The following SMYD4 variants were observed in gnomAD, a reference collection of about 807,000 sequenced individuals.
The protein encoded by SMYD4 is protein-lysine N-methyltransferase SMYD4.
SMYD4 carries 68 observed loss-of-function variants against 72.8 expected under a neutral mutation model. That is an observed-to-expected ratio of 0.93 (90% CI 0.77 to 1.14). SMYD4 has a LOEUF of 1.14. SMYD4 is among the 50% of genes most tolerant of loss of function. The pLI, the probability that SMYD4 is intolerant of heterozygous loss-of-function variation, is 0.00. For synonymous variants in SMYD4, 407 were observed against 388.6 expected, an observed-to-expected ratio of 1.05 and a Z score of -0.56; for missense variants, 984 against 1,003.7, an observed-to-expected ratio of 0.98 and a Z score of 0.27.
At chr17:1,798,537 A>G (rs1597377741) in intron 5 of SMYD4, among the ~76,000 whole-genome samples, 4 of 151,058 alleles carry the variant, frequency 2.6e-5, no homozygotes, top group Admixed American at 2.6e-4. Context: ...CTGAGGCGGG[A>G]GGATTGCTTG....
intron 5 of SMYD4, among the ~76,000 whole-genome samples, chr17:1,788,074 C>T (rs563524031): frequency 6.6e-6 from 1 of 152,252 alleles, no homozygotes; most frequent in East Asian, 1.9e-4. Context: ...TATATTTAAG[C>T]AGGCCAGGCA....
chr17:1,814,796 C>G (rs1910504936), intron 2 of SMYD4: 1 of 152,140 alleles, frequency 6.6e-6, no homozygotes, highest in Non-Finnish European at 1.5e-5. Flanking sequence ...ACACTCCAAC[C>G]TGGGTCAAAT....
rs752980455 is a variant in SMYD4, at chr17:1,812,020, T to C, written c.230A>G (p.Lys77Arg). ...APLFYREEGN[K>R]KFQEKDYTGA... ...TGTGTAATCTTTCTCCTGAAATTTT[T>C]TGTTTCCTTCTTCTCTGTAGAAAAG... The change falls in exon 3 of 11, where the codon AAA becomes AGA. Residue 77 changes from lysine (K) to arginine (R), a missense_variant. By Grantham distance (26) the Lys-to-Arg change is conservative. Coordinates refer to ENST00000305513, the MANE Select transcript of SMYD4 (RefSeq NM_052928.3). 1 of 1,614,214 alleles carries C rather than the reference T, an allele frequency of 6.2e-7. No homozygotes were observed. The highest frequency in any genetic ancestry group is 1.1e-5 in the South Asian group (1 of 91,086).
chr17:1,817,226 C>T (rs1259531900), intron 2 of SMYD4, among the ~76,000 whole-genome samples: 1 of 152,092 alleles, frequency 6.6e-6, no homozygotes, highest in Non-Finnish European at 1.5e-5. Flanking sequence ...TTAGTAGAGA[C>T]AGGGTTTCAC....
chr17:1,810,031 A>G (rs9899299), intron 3 of SMYD4, among the ~76,000 whole-genome samples: 51,318 of 151,360 alleles, frequency 0.34, 9,537 homozygotes, highest in African/African-American at 0.5. Context: ...CTGGGCTTAA[A>G]CAATCCTCCT....
rs1331713541 is a variant in SMYD4, at chr17:1,779,850, T to G, written c.*1436A>C. On this transcript the variant is annotated 3_prime_UTR_variant, in exon 11 of 11. Transcript: ENST00000305513. Reference sequence around the variant, plus strand: ...TCTTTTTTAATTACAATGTAACTACTAAGAGCTTCAGTTCCCACTGGAGTG... The same window carrying G: ...TCTTTTTTAATTACAATGTAACTACGAAGAGCTTCAGTTCCCACTGGAGTG... The G allele has an allele frequency of 1.3e-5, 2 of 152,648 alleles. No homozygotes were observed. Among genetic ancestry groups the G allele is most frequent in the Non-Finnish European group, 2.9e-5 (2 of 68,044 alleles). 9.5% of individuals were successfully genotyped at this position (152,648 alleles called of 1,614,324 possible). A position where few individuals can be genotyped will look rare whatever the true frequency, so the allele number is the denominator to read the frequency against.
At chr17:1,789,781 T>C (rs1253531380) in intron 5 of SMYD4, among the ~76,000 whole-genome samples, 1 of 92,074 alleles carries the variant, frequency 1.1e-5, no homozygotes. Context: ...AAAAAAAAAG[T>C]TTTATAAAGG....
intron 2 of SMYD4, among the ~76,000 whole-genome samples, chr17:1,822,825 T>C (rs774696686): frequency 1.4e-4 from 22 of 152,064 alleles, no homozygotes; most frequent in African/African-American, 3.6e-4. Flanking sequence ...GAGAATGTAA[T>C]TGGGGGGAAA....
chr17:1,797,274 CAA>C (rs1226664779), intron 5 of SMYD4, among the ~76,000 whole-genome samples: 1 of 152,180 alleles, frequency 6.6e-6, no homozygotes, highest in Non-Finnish European at 1.5e-5. Flanking sequence ...TCCTCCCTCT[CAA>C]GAGAGTTAAT....
At chr17:1,820,325 G>A (rs761128567) in intron 2 of SMYD4, among the ~76,000 whole-genome samples, 5 of 151,654 alleles carry the variant, frequency 3.3e-5, no homozygotes, top group Non-Finnish European at 7.4e-5. Context: ...CGACAGCCTC[G>A]ACATCCTGGG....
intron 3 of SMYD4, among the ~76,000 whole-genome samples, chr17:1,809,842 TG>T (rs1269898752): frequency 8.5e-5 from 13 of 152,066 alleles, no homozygotes; most frequent in Non-Finnish European, 1.5e-4. Flanking sequence ...GCTAATTTTT[TG>T]TATTTTTAGT....
At chr17:1,781,479 G>T (rs535633816) in intron 10 of SMYD4, 40 bp from the exon 11 acceptor site, 1 of 1,596,470 alleles carries the variant, frequency 6.3e-7, no homozygotes, top group Non-Finnish European at 8.5e-7. Flanking sequence ...TCACTGATTT[G>T]TGAGGCAAAT....
At chr17:1,787,065 T>C in intron 6 of SMYD4, 92 bp from the exon 7 acceptor site, 2 of 1,467,786 alleles carry the variant, frequency 1.4e-6, no homozygotes, top group Admixed American at 2.1e-5. Context: ...TCTGGACAAT[T>C]ACCTATCATG....
chr17:1,798,269 T>C (rs1189617968), intron 5 of SMYD4, among the ~76,000 whole-genome samples: 1 of 151,864 alleles, frequency 6.6e-6, no homozygotes, highest in South Asian at 2.1e-4. Context: ...TGGCTGGGAT[T>C]AGAGGCGTAC....
chr17:1,799,669 T>C (rs910217986), intron 5 of SMYD4, among the ~76,000 whole-genome samples, 188 bp downstream of exon 5: 7 of 152,154 alleles, frequency 4.6e-5, no homozygotes, highest in African/African-American at 1.4e-4. Flanking sequence ...CCACCACGCC[T>C]GGCAGGATCA....
chr17:1,825,222 A>G (rs1274815393), intron 2 of SMYD4, among the ~76,000 whole-genome samples: 1 of 152,214 alleles, frequency 6.6e-6, no homozygotes, highest in African/African-American at 2.4e-5. Flanking sequence ...CTACAGAAAA[A>G]TTGTCCACCT....
intron 5 of SMYD4, 148 bp from the exon 6 acceptor site, chr17:1,787,752 G>C: frequency 1.2e-6 from 1 of 838,908 alleles, no homozygotes; most frequent in Non-Finnish European, 1.8e-6. Context: ...AATCAGATGG[G>C]ACATGACTCA....
chr17:1,807,249 C>G (rs997687088), intron 3 of SMYD4, among the ~76,000 whole-genome samples: 1 of 151,700 alleles, frequency 6.6e-6, no homozygotes, highest in South Asian at 2.1e-4. Context: ...AAACAAGCAT[C>G]GATCCACAGG....
At position 1,779,586 on chromosome 17, in the gene SMYD4, C is replaced by G. The variant is rs1486655139; in HGVS notation, c.*1700G>C. ...CTTTGATTTTATTAGTGGTTGGTTA[C>G]TGACTCTGCCAAGAGTACAGAATGA... On this transcript the variant is annotated 3_prime_UTR_variant, in exon 11 of 11. Transcript: ENST00000305513. 2.0e-5 allele frequency: 3 copies of G among 152,392 alleles called. No individual in the cohort carries two copies. The highest frequency in any genetic ancestry group is 7.2e-5 in the African/African-American group (3 of 41,578). The allele number at this position is 152,392 out of a possible 1,614,324, so 9.4% of individuals were successfully genotyped here.
Sources: gnomAD v4.1 joint callset for allele counts (sites outside exome capture counted in the v4.1 genomes callset) on GRCh38, gnomAD v4.1.1 for gene constraint, MANE v1.5 for transcripts, NCBI Gene and HGNC (gene_info 2026-07-23, HGNC 2026-07-21) for gene names.